Variants in BEND7 observed in about 807,000 individuals in gnomAD.
BEND7 encodes BEN domain containing 7.
Under a neutral mutation model 50.9 loss-of-function variants are expected in BEND7, and 28 were observed. The ratio of observed to expected loss-of-function variants is 0.55; its 90% confidence interval spans 0.41 to 0.75. The LOEUF (loss-of-function observed/expected upper bound fraction) is 0.75, where lower values mean the gene tolerates loss of function less well. BEND7 is among the 30% of genes least tolerant of loss of function. The pLI is 0.00. For missense variants in BEND7, 477 were observed against 491.3 expected, an observed-to-expected ratio of 0.97 and a Z score of 0.28; for synonymous variants, 170 against 183.9, an observed-to-expected ratio of 0.92 and a Z score of 0.61.
intron 2 of BEND7, among the ~76,000 whole-genome samples, chr10:13,519,263 G>C (rs1329769186): frequency 6.6e-6 from 1 of 152,164 alleles, no homozygotes; most frequent in Non-Finnish European, 1.5e-5. Context: ...ACGAGGTCAG[G>C]AGATCGAGAC....
intron 6 of BEND7, among the ~76,000 whole-genome samples, chr10:13,478,164 G>A (rs1286314293): frequency 6.6e-6 from 1 of 152,172 alleles, no homozygotes; most frequent in Non-Finnish European, 1.5e-5. Flanking sequence ...GTGACAGCCC[G>A]TGACAAAATC....
chr10:13,441,956 T>G, intron 8 of BEND7: 1 of 597,926 alleles, frequency 1.7e-6, no homozygotes. Context: ...AAGCCAGCTT[T>G]TTGTTACAGT....
chr10:13,440,259 G>A (rs907796620), downstream of BEND7, among the ~76,000 whole-genome samples: 1 of 152,182 alleles, frequency 6.6e-6, no homozygotes, highest in Non-Finnish European at 1.5e-5. Flanking sequence ...GAGGCCTTGG[G>A]CCAAAAGATA....
chr10:13,512,479 A>G (rs1282849192), intron 2 of BEND7, among the ~76,000 whole-genome samples: 3 of 152,236 alleles, frequency 2.0e-5, no homozygotes, highest in Non-Finnish European at 4.4e-5. Context: ...ACAGTAACAC[A>G]AGTCTTGCCT....
chr10:13,447,456 G>C (rs368136950), intron 7 of BEND7, 140 bp from the exon 8 acceptor site: 1 of 691,914 alleles, frequency 1.4e-6, no homozygotes. Context: ...GCTACCGTTG[G>C]TTCATATTAC....
At chr10:13,509,277 T>C (rs2078111088) in intron 2 of BEND7, among the ~76,000 whole-genome samples, 1 of 152,228 alleles carries the variant, frequency 6.6e-6, no homozygotes, top group Non-Finnish European at 1.5e-5. Context: ...TACTGTCCTA[T>C]ACTCTCTTTG....
chr10:13,522,182 T>G (rs2079127714), intron 2 of BEND7, among the ~76,000 whole-genome samples: 1 of 152,198 alleles, frequency 6.6e-6, no homozygotes, highest in African/African-American at 2.4e-5. Context: ...ATAAACATGT[T>G]TCCAATGTAC....
chr10:13,455,428 G>C (rs555897101), intron 6 of BEND7, among the ~76,000 whole-genome samples: 16 of 152,290 alleles, frequency 1.1e-4, no homozygotes, highest in African/African-American at 3.6e-4. Flanking sequence ...CTGCATTGCA[G>C]AAGAGGGACA....
At chr10:13,477,343 AT>A (rs1245884145) in intron 6 of BEND7, among the ~76,000 whole-genome samples, 1 of 152,204 alleles carries the variant, frequency 6.6e-6, no homozygotes, top group Admixed American at 6.5e-5. Context: ...TATATTTAAT[AT>A]TTACAAAATC....
chr10:13,453,057 A>G (rs1013887498), intron 6 of BEND7, among the ~76,000 whole-genome samples: 2 of 152,230 alleles, frequency 1.3e-5, no homozygotes, highest in Non-Finnish European at 2.9e-5. Context: ...ACGCAAAATT[A>G]ACACGAAAAG....
chr10:13,443,157 C>T (rs941708350), intron 8 of BEND7: 3 of 152,410 alleles, frequency 2.0e-5, no homozygotes, highest in Non-Finnish European at 2.9e-5. Flanking sequence ...TTTAAAAAAT[C>T]TTATACCAGA....
At chr10:13,448,742 G>A (rs10430801) in intron 7 of BEND7, among the ~76,000 whole-genome samples, 46,510 of 151,966 alleles carry the variant, frequency 0.31, 8,462 homozygotes, top group East Asian at 0.67. Flanking sequence ...TTGGGAGGCC[G>A]AGGCGGGTGG....
chr10:13,481,260 G>T, intron 5 of BEND7, 136 bp from the exon 6 acceptor site: 1 of 810,138 alleles, frequency 1.2e-6, no homozygotes, highest in South Asian at 1.9e-5. Flanking sequence ...GGCTTTCTTT[G>T]TCTGCCAGGA....
chr10:13,441,071 C>T (rs1297228150), downstream of BEND7: 1 of 983,712 alleles, frequency 1.0e-6, no homozygotes, highest in African/African-American at 1.7e-5. Flanking sequence ...GGCACACAGG[C>T]AAGATCCGCA....
In BEND7 at chr10:13,528,521, C is replaced by A. The variant is rs2079565806; in HGVS notation, c.13G>T (p.Glu5Ter). 3.9e-6 allele frequency: 4 copies of A among 1,037,164 alleles called. No homozygotes were observed. In the South Asian group the frequency reaches 1.3e-4, roughly 34 times the overall value. The allele number at this position is 1,037,164 out of a possible 1,614,324, so 64.2% of individuals were successfully genotyped here. The change falls in exon 1 of 9, where the codon GAG becomes TAG. Residue 5 changes from glutamate (E) to a stop codon, truncating the protein, a stop_gained. Transcript: ENST00000466271. LOFTEE classifies it high-confidence loss of function. MEFS[E>*]RKRSRKSQSF... ...TGGGATTTCCTGCTTCTTTTCCTCTCGGAGAACTCCATGGTGCGGGGAAGG... is the reference window on the plus strand; with the variant it reads ...TGGGATTTCCTGCTTCTTTTCCTCTAGGAGAACTCCATGGTGCGGGGAAGG...
chr10:13,516,272 A>G (rs1564409185), intron 2 of BEND7, among the ~76,000 whole-genome samples: 1 of 152,212 alleles, frequency 6.6e-6, no homozygotes, highest in Non-Finnish European at 1.5e-5. Flanking sequence ...GGCAGAGCAC[A>G]TGCCAGGGCC....
chr10:13,488,584 T>C (rs999510726), intron 5 of BEND7, among the ~76,000 whole-genome samples: 1 of 152,024 alleles, frequency 6.6e-6, no homozygotes, highest in Non-Finnish European at 1.5e-5. Flanking sequence ...GACTCCCGGG[T>C]TCAAGCGATT....
At chr10:13,470,609 G>A (rs1397168728) in intron 6 of BEND7, among the ~76,000 whole-genome samples, 1 of 152,168 alleles carries the variant, frequency 6.6e-6, no homozygotes, top group Non-Finnish European at 1.5e-5. Context: ...TCCTTATGTA[G>A]TAAACATATG....
At chr10:13,463,920 A>G (rs887917824) in intron 6 of BEND7, among the ~76,000 whole-genome samples, 3 of 152,244 alleles carry the variant, frequency 2.0e-5, no homozygotes, top group Non-Finnish European at 4.4e-5. Context: ...TAACTAAATA[A>G]TGACAAATAG....
Sources: gnomAD v4.1 joint callset for allele counts (sites outside exome capture counted in the v4.1 genomes callset) on GRCh38, gnomAD v4.1.1 for gene constraint, MANE v1.5 for transcripts, NCBI Gene and HGNC (gene_info 2026-07-23, HGNC 2026-07-21) for gene names.